Variants in ITPR3 observed in about 807,000 individuals in gnomAD.
The protein encoded by ITPR3 is inositol 1,4,5-trisphosphate-gated calcium channel ITPR3.
Under a neutral mutation model 293.2 loss-of-function variants are expected in ITPR3, and 173 were observed. That is an observed-to-expected ratio of 0.59 (90% CI 0.52 to 0.67). ITPR3 has a LOEUF of 0.67. Ranked by LOEUF, ITPR3 falls within the 30% of genes least tolerant of loss-of-function variation. The pLI is 0.00. For synonymous variants in ITPR3, 1,295 were observed against 1,444.4 expected (o/e 0.90, Z 2.35); for missense variants, 2,796 against 3,592.1 (o/e 0.78, Z 5.66).
rs1234430725 is a variant in ITPR3, at chr6:33,658,065, G to A, written c.369+47G>A. The A allele has an allele frequency of 3.9e-6, 6 of 1,526,384 alleles. No homozygotes were observed. Among genetic ancestry groups the A allele is most frequent in the Non-Finnish European group, 5.4e-6 (6 of 1,105,456 alleles). 94.6% of individuals were successfully genotyped at this position (1,526,384 alleles called of 1,614,324 possible). On this transcript the variant is annotated intron_variant, in intron 4 of 57. Transcript: ENST00000605930. This position sits in a 1 kb window ranked among gnomAD's most constrained non-coding sequence, Gnocchi z 6.1. ...CCCGCCTGCCCCTCTCCCTGCCTAA[G>A]AGGCTGGGCTGGTGCTGGGTGAGGG...
At position 33,684,813 on chromosome 6, in the gene ITPR3, G is replaced by A. The variant is rs1284402490; in HGVS notation, c.5177G>A (p.Cys1726Tyr). The A allele has an allele frequency of 6.2e-7, 1 of 1,613,630 alleles. No homozygotes were observed. Among genetic ancestry groups the A allele is most frequent in the African/African-American group, 1.3e-5 (1 of 74,960 alleles). The change falls in exon 39 of 58, where the codon TGC (cysteine) becomes TAC (tyrosine). Residue 1726 changes from cysteine to tyrosine, a missense_variant. Cys to Tyr is a radical substitution (Grantham distance 194). Coordinates refer to ENST00000605930, the MANE Select transcript of ITPR3 (RefSeq NM_002224.4). The surrounding 1 kb of genome is among the most constrained non-coding windows in gnomAD (Gnocchi z 4.2). ...TGGTCGGCAATCGCAGCCACCCAGTGCCGGCTGGACAAGGAGGGGGCCACC... is the reference window on the plus strand; with the variant it reads ...TGGTCGGCAATCGCAGCCACCCAGTACCGGCTGGACAAGGAGGGGGCCACC... Reference protein sequence around the residue: ...PDWSAIAATQCRLDKEGATKL... With the variant: ...PDWSAIAATQYRLDKEGATKL...
intron 20 of ITPR3, 44 bp from the exon 21 acceptor site, chr6:33,671,121 G>A (rs1426692346): frequency 3.1e-6 from 5 of 1,607,992 alleles, no homozygotes; most frequent in African/African-American, 2.7e-5. Context: ...CCGCCCCTAC[G>A]CGCCGGCCCC....
At position 33,678,688 on chromosome 6, in the gene ITPR3, T is replaced by C. The variant is rs558901730; in HGVS notation, c.3821T>C (p.Leu1274Pro). 6.2e-7 allele frequency: 1 copy of C among 1,613,030 alleles called. No individual in the cohort carries two copies. The highest frequency in any genetic ancestry group is 1.3e-5 in the African/African-American group (1 of 74,888). The part of the protein sequence containing the change: ...MQHIFLNNYQ[L>P]CSEISEPVLQ... ...CACATCTTCCTGAACAACTATCAGCTCTGCTCCGAGATCAGCGAGCCTGTG... is the reference window on the plus strand; with the variant it reads ...CACATCTTCCTGAACAACTATCAGCCCTGCTCCGAGATCAGCGAGCCTGTG... The change falls in exon 30 of 58, where the codon CTC becomes CCC. Residue 1274 changes from leucine to proline, a missense_variant. Leu to Pro is a moderately conservative substitution (Grantham distance 98). This residue lies in a region of ITPR3 where 344 missense variants were observed against 460.3 expected (regional missense o/e 0.75). Transcript: ENST00000605930.
intron 2 of ITPR3, among the ~76,000 whole-genome samples, chr6:33,647,016 T>C (rs7753658): frequency 0.39 from 59,216 of 151,958 alleles, 12,167 homozygotes; most frequent in Non-Finnish European, 0.45. Context: ...TTGTCTTAAA[T>C]ATTAAAAAAG....
chr6:33,628,869 G>A (rs1192913171), intron 1 of ITPR3, among the ~76,000 whole-genome samples: 3 of 152,068 alleles, frequency 2.0e-5, no homozygotes, highest in Admixed American at 1.3e-4. Flanking sequence ...CAGCCAGCCC[G>A]CCAGCCAGCC....
chr6:33,659,379 C>A, intron 6 of ITPR3, 87 bp from the exon 7 acceptor site: 2 of 1,232,790 alleles, frequency 1.6e-6, no homozygotes, highest in Non-Finnish European at 1.2e-6. Flanking sequence ...GTAATGGTGG[C>A]TGGGCTGCTT....
rs560295144 is a variant in ITPR3, at chr6:33,627,749, G to A, written c.89+6058G>A. On this transcript the variant is annotated intron_variant, in intron 1 of 57. Transcript: ENST00000605930. ...CTTGGTGCCACAGAGGGTCAGACAT[G>A]ATTCATGTCATGTGTGAGTGTTGCA... Among the ~76,000 whole-genome samples the A allele has an allele frequency of 3.6e-4, 55 of 152,324 alleles. No individual in the cohort carries two copies. The South Asian group carries it at 0.011, about 30-fold the overall frequency.
chr6:33,633,789 G>A lies in ITPR3; in HGVS notation c.90-6695G>A, dbSNP rs2151282991. ...CCGGGGCCGGGGCCGGACGCCCGGA[G>A]CTCGCGGGCCGGGCCAGGCTGGGGG... is the stretch of plus-strand genomic sequence containing the variant. On this transcript the variant is annotated intron_variant, in intron 1 of 57. Coordinates refer to ENST00000605930, the MANE Select transcript of ITPR3 (RefSeq NM_002224.4). The surrounding 1 kb of genome is among the most constrained non-coding windows in gnomAD (Gnocchi z 5.2). Among the ~76,000 whole-genome samples the A allele has an allele frequency of 7.0e-6, 1 of 142,958 alleles. No individual in the cohort carries two copies. Among genetic ancestry groups the A allele is most frequent in the East Asian group, 2.0e-4 (1 of 4,962 alleles). The allele number at this position is 142,958 out of a possible 152,430, so 93.8% of individuals were successfully genotyped here.
chr6:33,676,952 G>C lies in ITPR3; in HGVS notation c.3447+20G>C. ...AAAGAGGTAAGTGGGGCTCCAGGGG[G>C]CCAGGGCAGGCCTCCCTGTGAGGGC... is the stretch of plus-strand genomic sequence containing the variant. On this transcript the variant is annotated intron_variant, in intron 26 of 57. Coordinates refer to ENST00000605930, the MANE Select transcript of ITPR3 (RefSeq NM_002224.4). 1 of 1,613,844 alleles carries C rather than the reference G, an allele frequency of 6.2e-7. No homozygotes were observed. Among genetic ancestry groups the C allele is most frequent in the Non-Finnish European group, 8.5e-7 (1 of 1,179,782 alleles).
intron 7 of ITPR3, among the ~76,000 whole-genome samples, chr6:33,660,316 G>A (rs183303198): frequency 1.6e-4 from 24 of 152,086 alleles, no homozygotes; most frequent in Admixed American, 3.3e-4. Context: ...TGACAGGCCC[G>A]AGAGCAGCCA....
In ITPR3 at chr6:33,691,890, G is replaced by C; in HGVS notation, c.7420G>C (p.Gly2474Arg). 1 of 1,614,144 alleles carries C rather than the reference G, an allele frequency of 6.2e-7. No homozygotes were observed. Among genetic ancestry groups the C allele is most frequent in the Non-Finnish European group, 8.5e-7 (1 of 1,180,016 alleles). The change falls in exon 54 of 58, where the codon GGT becomes CGT. Residue 2474 changes from glycine (G) to arginine (R), a missense_variant. By Grantham distance (125) the Gly-to-Arg change is moderately radical (BLOSUM62 -2). Coordinates refer to ENST00000605930, the MANE Select transcript of ITPR3 (RefSeq NM_002224.4). This position sits in a 1 kb window ranked among gnomAD's most constrained non-coding sequence, Gnocchi z 4.9. Reference sequence around the variant, plus strand: ...CATGAACCATGGGCTACGCAACGGTGGTGGCGTGGGCGACATTCTCCGCAA... The same window carrying C: ...CATGAACCATGGGCTACGCAACGGTCGTGGCGTGGGCGACATTCTCCGCAA... ...TVMNHGLRNGGGVGDILRKPS... is the reference protein window; with the variant it reads ...TVMNHGLRNGRGVGDILRKPS...
chr6:33,663,934 T>A, intron 11 of ITPR3, 54 bp downstream of exon 11: 1 of 1,602,446 alleles, frequency 6.2e-7, no homozygotes, highest in South Asian at 1.1e-5. Flanking sequence ...GGGTGGGCCC[T>A]CCTGTCTCTG....
rs1435030841 is a variant in ITPR3 at position 33,633,690 on chromosome 6, G to A, written c.90-6794G>A. Among the ~76,000 whole-genome samples the A allele has an allele frequency of 6.7e-6, 1 of 149,072 alleles. No individual in the cohort carries two copies. The highest frequency in any genetic ancestry group is 2.1e-4 in the South Asian group (1 of 4,812). On this transcript the variant is annotated intron_variant, in intron 1 of 57. Transcript: ENST00000605930. This position sits in a 1 kb window ranked among gnomAD's most constrained non-coding sequence, Gnocchi z 5.2. ...GAGGCCGCGCTGGCCCTCCCTTGGC[G>A]GCGGCGGCGCGTCGTGGGAGACGGC...
chr6:33,674,316 C>G (rs758766602), intron 24 of ITPR3, 51 bp downstream of exon 24: 1 of 1,570,792 alleles, frequency 6.4e-7, no homozygotes, highest in Non-Finnish European at 8.7e-7. Context: ...AGGCTCGACA[C>G]CCCCTCTTGG....
At chr6:33,657,068 A>G (rs896658890) in intron 3 of ITPR3, among the ~76,000 whole-genome samples, 14 of 152,216 alleles carry the variant, frequency 9.2e-5, no homozygotes, top group Non-Finnish European at 1.8e-4. Context: ...CAGAACCGCA[A>G]GCGGTCACAC....
At position 33,691,497 on chromosome 6, in the gene ITPR3, G is replaced by A; in HGVS notation, c.7226-118G>A. 1.2e-6 allele frequency: 1 copy of A among 810,684 alleles called. No individual in the cohort carries two copies. The allele number at this position is 810,684 out of a possible 1,614,324, so 50.2% of individuals were successfully genotyped here. On this transcript the variant is annotated intron_variant, in intron 52 of 57. Coordinates refer to ENST00000605930, the MANE Select transcript of ITPR3 (RefSeq NM_002224.4). The surrounding 1 kb of genome is among the most constrained non-coding windows in gnomAD (Gnocchi z 4.9). Reference sequence around the variant, plus strand: ...TGACCCTTCACTGTGGCTGGACAGTGGAGGGCTGGCGATCCAGGACCAGGG... The same window carrying A: ...TGACCCTTCACTGTGGCTGGACAGTAGAGGGCTGGCGATCCAGGACCAGGG...
chr6:33,641,606 C>T lies in ITPR3; in HGVS notation c.160+1052C>T, dbSNP rs760392739. 9.9e-5 allele frequency among the ~76,000 whole-genome samples: 15 copies of T among 152,082 alleles called. 1 individual carries two copies. Among genetic ancestry groups the T allele is most frequent in the Non-Finnish European group, 1.9e-4 (13 of 67,956 alleles). Reference sequence around the variant, plus strand: ...GGAACTGCCCTGGCCCTGGACGAACCGCACCACCATAAGGCCCCTTCACCC... The same window carrying T: ...GGAACTGCCCTGGCCCTGGACGAACTGCACCACCATAAGGCCCCTTCACCC... On this transcript the variant is annotated intron_variant, in intron 2 of 57. Coordinates refer to ENST00000605930, the MANE Select transcript of ITPR3 (RefSeq NM_002224.4).
At chr6:33,623,333 T>TG (rs1276845168) in intron 1 of ITPR3, among the ~76,000 whole-genome samples, 68 of 149,020 alleles carry the variant, frequency 4.6e-4, no homozygotes, top group Non-Finnish European at 8.6e-4. Flanking sequence ...TTTGTTTTTT[T>TG]TTTTTTTTTT....
At chr6:33,668,681 C>A in intron 17 of ITPR3, 47 bp downstream of exon 17, 1 of 1,612,572 alleles carries the variant, frequency 6.2e-7, no homozygotes, top group East Asian at 2.2e-5. Flanking sequence ...CGCTGCTGAC[C>A]CCCAGCTGTC....
Sources: gnomAD v4.1 joint callset for allele counts (sites outside exome capture counted in the v4.1 genomes callset) on GRCh38, gnomAD v4.1.1 for gene constraint, gnomAD v4.1.1 regional missense constraint, Gnocchi (gnomAD v3.1) non-coding constraint, MANE v1.5 for transcripts, NCBI Gene and HGNC (gene_info 2026-07-23, HGNC 2026-07-21) for gene names.